Variants in ADGRB3 observed in about 807,000 individuals in gnomAD.
ADGRB3 encodes brain-specific angiogenesis inhibitor 3.
In ADGRB3, 37 loss-of-function variants were observed where a neutral mutation model predicts 193.4. That is an observed-to-expected ratio of 0.19 (90% CI 0.15 to 0.25). The LOEUF (loss-of-function observed/expected upper bound fraction) is 0.25. Ranked by LOEUF, ADGRB3 falls within the 10% of genes least tolerant of loss-of-function variation. The probability of loss-of-function intolerance (pLI) is 1.00; values close to 1 mark genes in which losing one functional copy is unlikely to be tolerated. For missense variants in ADGRB3, 1,637 were observed against 1,852.9 expected, an observed-to-expected ratio of 0.88 and a Z score of 2.14; for synonymous variants, 690 against 644.2, an observed-to-expected ratio of 1.07 and a Z score of -1.08.
At chr6:68,719,949 T>C (rs76505605) in intron 3 of ADGRB3, among the ~76,000 whole-genome samples, 15,259 of 151,736 alleles carry the variant, frequency 0.1, 1,015 homozygotes, top group Middle Eastern at 0.27. Flanking sequence ...TTGGGTGCAT[T>C]ATCACTGGTA....
chr6:68,975,122 G>A lies in ADGRB3; in HGVS notation c.1628-112G>A, dbSNP rs1384907719. 1.1e-5 allele frequency: 9 copies of A among 844,856 alleles called. No homozygotes were observed. In the African/African-American group the frequency reaches 1.4e-4, roughly 13 times the overall value. The allele number at this position is 844,856 out of a possible 1,614,324, so 52.3% of individuals were successfully genotyped here. On this transcript the variant is annotated intron_variant, in intron 9 of 31. Transcript: ENST00000370598. ...ATCAAAATATCAATTTCATGTGCAT[G>A]TTTTTTAAAGAAAAAAAGTACAAAC...
intron 3 of ADGRB3, among the ~76,000 whole-genome samples, chr6:68,774,052 A>G (rs1034396084): frequency 2.0e-5 from 3 of 152,118 alleles, no homozygotes; most frequent in Non-Finnish European, 4.4e-5. Context: ...ATTACATGCA[A>G]TGTATTTTCT....
chr6:69,254,516 A>G (rs576017139), intron 20 of ADGRB3, among the ~76,000 whole-genome samples: 69 of 152,174 alleles, frequency 4.5e-4, no homozygotes, highest in African/African-American at 1.5e-3. Context: ...AAACATGAGT[A>G]TGTAGCATAA....
chr6:69,013,229 C>T (rs1344747750), intron 11 of ADGRB3, among the ~76,000 whole-genome samples: 3 of 152,080 alleles, frequency 2.0e-5, no homozygotes, highest in Non-Finnish European at 4.4e-5. Context: ...TAGGACTGAA[C>T]AGAGCCCTGC....
chr6:68,664,108 C>A (rs1768738859), intron 3 of ADGRB3, among the ~76,000 whole-genome samples: 1 of 151,638 alleles, frequency 6.6e-6, no homozygotes, highest in African/African-American at 2.4e-5. Flanking sequence ...TCTCATTTGT[C>A]TTAATTTACT....
intron 16 of ADGRB3, 97 bp downstream of exon 16, chr6:69,063,133 T>C (rs1771799077): frequency 1.2e-6 from 1 of 852,006 alleles, no homozygotes; most frequent in Admixed American, 2.3e-5. Context: ...TTCTAGACTT[T>C]TATAGTTGCA....
intron 6 of ADGRB3, among the ~76,000 whole-genome samples, chr6:68,950,153 C>T (rs1188417836): frequency 6.6e-6 from 1 of 151,982 alleles, no homozygotes; most frequent in Non-Finnish European, 1.5e-5. Flanking sequence ...ATCCTGGGCT[C>T]AAGCATCCTC....
intron 3 of ADGRB3, among the ~76,000 whole-genome samples, chr6:68,896,155 T>A (rs923757492): frequency 2.0e-5 from 3 of 152,144 alleles, no homozygotes; most frequent in African/African-American, 7.2e-5. Context: ...AAGTAGTACT[T>A]GAAAGTTAGA....
chr6:69,317,615 A>G (rs1768343375), intron 20 of ADGRB3, among the ~76,000 whole-genome samples: 1 of 151,484 alleles, frequency 6.6e-6, no homozygotes, highest in African/African-American at 2.4e-5. Context: ...AAGCTTTATT[A>G]CAAACAACAT....
At chr6:68,986,481 G>A (rs987706868) in intron 10 of ADGRB3, among the ~76,000 whole-genome samples, 2 of 152,080 alleles carry the variant, frequency 1.3e-5, no homozygotes, top group African/African-American at 4.8e-5. Flanking sequence ...CAAACTCTTC[G>A]TATCAAACAT....
intron 6 of ADGRB3, among the ~76,000 whole-genome samples, chr6:68,949,294 G>A (rs534107469): frequency 3.9e-5 from 6 of 152,126 alleles, no homozygotes; most frequent in Admixed American, 1.3e-4. Context: ...TGTCACACCC[G>A]TCAAGCTGCA....
At chr6:68,701,565 G>T (rs1190714849) in intron 3 of ADGRB3, among the ~76,000 whole-genome samples, 2 of 152,156 alleles carry the variant, frequency 1.3e-5, no homozygotes, top group African/African-American at 4.8e-5. Context: ...GTTTGCATTT[G>T]CAAGTTGGTG....
intron 19 of ADGRB3, among the ~76,000 whole-genome samples, chr6:69,238,119 G>C (rs1334630937): frequency 6.6e-6 from 1 of 152,024 alleles, no homozygotes; most frequent in East Asian, 1.9e-4. Context: ...GACAGACAGA[G>C]AGAAGTTTGA....
chr6:69,018,807 C>A (rs895069880), intron 13 of ADGRB3, among the ~76,000 whole-genome samples: 11 of 151,814 alleles, frequency 7.2e-5, no homozygotes, highest in African/African-American at 2.4e-4. Context: ...ATGCTCATTG[C>A]TATCTAATCT....
intron 3 of ADGRB3, among the ~76,000 whole-genome samples, chr6:68,868,385 T>C (rs191950311): frequency 6.6e-6 from 1 of 152,278 alleles, no homozygotes; most frequent in East Asian, 1.9e-4. Flanking sequence ...AAAGTGTGAG[T>C]CAATTAAACC....
At chr6:69,163,263 T>C (rs966884396) in intron 17 of ADGRB3, among the ~76,000 whole-genome samples, 26 of 152,070 alleles carry the variant, frequency 1.7e-4, no homozygotes, top group African/African-American at 6.3e-4. Context: ...TTTTTCTTAC[T>C]ACTACTTTAG....
At chr6:69,226,531 C>T (rs1766019395) in intron 17 of ADGRB3, among the ~76,000 whole-genome samples, 1 of 152,152 alleles carries the variant, frequency 6.6e-6, no homozygotes, top group Admixed American at 6.5e-5. Flanking sequence ...TATAATACAT[C>T]AGCTGTGATA....
At chr6:69,297,201 G>A (rs1306358290) in intron 20 of ADGRB3, among the ~76,000 whole-genome samples, 1 of 152,022 alleles carries the variant, frequency 6.6e-6, no homozygotes, top group Non-Finnish European at 1.5e-5. Flanking sequence ...AAGGTTGTTT[G>A]TTAATATGTG....
At chr6:68,776,129 T>C (rs746657274) in intron 3 of ADGRB3, among the ~76,000 whole-genome samples, 5 of 152,130 alleles carry the variant, frequency 3.3e-5, no homozygotes, top group Admixed American at 6.6e-5. Context: ...AGCTTCTGCT[T>C]ATCCTACTTC....
Sources: allele counts gnomAD v4.1 joint callset (sites outside exome capture counted in the v4.1 genomes callset), GRCh38; gene constraint gnomAD v4.1.1; transcripts MANE v1.5; gene names NCBI Gene and HGNC (gene_info 2026-07-23, HGNC 2026-07-21).